The following AK8 variants were observed in gnomAD, a reference collection of about 807,000 sequenced individuals.
AK8 encodes ATP-AMP transphosphorylase 8.
AK8 carries 44 observed loss-of-function variants against 54.6 expected under a neutral mutation model. That is an observed-to-expected ratio of 0.81 (90% CI 0.63 to 1.04). The LOEUF is 1.04. Among genes scored for constraint, AK8 ranks in the 50% least tolerant of loss-of-function variants. The pLI is 0.00. For missense variants in AK8, 555 were observed against 613.6 expected, an observed-to-expected ratio of 0.90 and a Z score of 1.01; for synonymous variants, 239 against 245.6, an observed-to-expected ratio of 0.97 and a Z score of 0.25.
intron 2 of AK8, among the ~76,000 whole-genome samples, chr9:132,874,863 G>A (rs927971689): frequency 6.6e-6 from 1 of 152,170 alleles, no homozygotes; most frequent in Non-Finnish European, 1.5e-5. Context: ...CTTGGCAAGA[G>A]AATTTTTATA....
intron 9 of AK8, among the ~76,000 whole-genome samples, chr9:132,819,987 C>T (rs1424563555): frequency 6.6e-6 from 1 of 151,566 alleles, no homozygotes; most frequent in Non-Finnish European, 1.5e-5. Context: ...AGAGAGATTC[C>T]CGTCTTTACA....
At chr9:132,730,303 G>C (rs924526045) in intron 11 of AK8, among the ~76,000 whole-genome samples, 2 of 152,162 alleles carry the variant, frequency 1.3e-5, no homozygotes, top group Admixed American at 6.5e-5. Context: ...CAGCCTTTGG[G>C]GCACAGGTGT....
rs554974216 is a variant in AK8, at chr9:132,747,399, C to T, written c.1122-19865G>A. ...CAATCTCTTGACCTCATGATCTCCC[C>T]ACCTTGGCCTCCCAAAGTGCTGGGA... is the stretch of plus-strand genomic sequence containing the variant. On this transcript the variant is annotated intron_variant, in intron 11 of 12. Transcript: ENST00000298545. Among the ~76,000 whole-genome samples, 7 of 151,804 alleles carry T rather than the reference C, an allele frequency of 4.6e-5. 1 individual carries two copies. In the South Asian group the frequency reaches 1.5e-3, roughly 32 times the overall value.
At chr9:132,730,909 G>A (rs1232186629) in intron 11 of AK8, among the ~76,000 whole-genome samples, 3 of 152,160 alleles carry the variant, frequency 2.0e-5, no homozygotes, top group Admixed American at 6.5e-5. Context: ...GGCTGCCCCC[G>A]ATCCTGCATG....
chr9:132,725,756 C>T lies in AK8; in HGVS notation c.1372G>A (p.Asp458Asn), dbSNP rs372487313. Residue 458 changes from aspartate (D) to asparagine (N), a missense_variant, in exon 13 of 13, where the codon GAC becomes AAC. Transcript: ENST00000298545. ...GSAITLNGDQ[D>N]PYTVFEYIES... is the part of the protein sequence containing the mutation. Reference sequence around the variant, plus strand: ...ATGTATTCGAAGACTGTGTATGGGTCCTGGTCCCCATTGAGGGTGATGGCC... The same window carrying T: ...ATGTATTCGAAGACTGTGTATGGGTTCTGGTCCCCATTGAGGGTGATGGCC... The T allele has an allele frequency of 2.4e-5, 38 of 1,596,356 alleles. No individual in the cohort carries two copies. In the African/African-American group the frequency reaches 4.8e-4, roughly 20 times the overall value.
At chr9:132,863,352 G>A (rs1426786787) in intron 4 of AK8, among the ~76,000 whole-genome samples, 4 of 152,220 alleles carry the variant, frequency 2.6e-5, no homozygotes, top group Admixed American at 6.5e-5. Context: ...GCCTTTACTC[G>A]GCTGAGCCTA....
chr9:132,849,062 C>T (rs140527615), intron 5 of AK8, among the ~76,000 whole-genome samples: 1 of 151,846 alleles, frequency 6.6e-6, no homozygotes, highest in Non-Finnish European at 1.5e-5. Context: ...GCGCGTGCCA[C>T]CACGCCCGGC....
chr9:132,786,792 C>T (rs538745057), intron 11 of AK8, among the ~76,000 whole-genome samples: 1 of 151,996 alleles, frequency 6.6e-6, no homozygotes, highest in South Asian at 2.1e-4. Context: ...AGAATAAGAC[C>T]AAGACAAACA....
At chr9:132,848,797 G>A (rs962361552) in intron 5 of AK8, among the ~76,000 whole-genome samples, 1 of 152,140 alleles carries the variant, frequency 6.6e-6, no homozygotes, top group African/African-American at 2.4e-5. Context: ...GCACTCAACT[G>A]GAGATGCAGA....
chr9:132,744,886 C>T (rs1415781478), intron 11 of AK8, among the ~76,000 whole-genome samples: 1 of 152,200 alleles, frequency 6.6e-6, no homozygotes, highest in Non-Finnish European at 1.5e-5. Flanking sequence ...TTAATTTACA[C>T]TGGGCTCGGT....
At chr9:132,758,837 T>C (rs1274378367) in intron 11 of AK8, among the ~76,000 whole-genome samples, 1 of 151,972 alleles carries the variant, frequency 6.6e-6, no homozygotes, top group East Asian at 1.9e-4. Flanking sequence ...GTTCACGTCT[T>C]AAAAAAATAA....
intron 11 of AK8, among the ~76,000 whole-genome samples, chr9:132,783,728 T>A (rs1839575537): frequency 6.6e-6 from 1 of 151,872 alleles, no homozygotes; most frequent in Non-Finnish European, 1.5e-5. Flanking sequence ...AAAGAAAAGA[T>A]GATGAGATTT....
In AK8 at chr9:132,861,136, C is replaced by T. The variant is rs368353501; in HGVS notation, c.333+2529G>A. The stretch of plus-strand genomic sequence containing the variant: ...CTTAAAAACAAACAAAAATCCCTGG[C>T]CACTGTGAACCCCCAGCATCCTGGG... On this transcript the variant is annotated intron_variant, in intron 4 of 12. Coordinates refer to ENST00000298545, the MANE Select transcript of AK8 (RefSeq NM_152572.3). Among the ~76,000 whole-genome samples the T allele has an allele frequency of 2.6e-5, 4 of 152,204 alleles. No homozygotes were observed. The East Asian group carries it at 5.8e-4, about 22-fold the overall frequency.
intron 5 of AK8, among the ~76,000 whole-genome samples, chr9:132,843,624 C>G (rs2131351538): frequency 6.6e-6 from 1 of 152,266 alleles, no homozygotes; most frequent in African/African-American, 2.4e-5. Flanking sequence ...AGGGATGAAG[C>G]TGAACCGCAG....
chr9:132,871,498 GA>G (rs968871866), intron 2 of AK8, among the ~76,000 whole-genome samples: 6 of 152,162 alleles, frequency 3.9e-5, no homozygotes, highest in Admixed American at 3.9e-4. Context: ...AGGGCTGTGG[GA>G]AACAAATGAA....
intron 11 of AK8, among the ~76,000 whole-genome samples, chr9:132,761,429 A>C (rs1321743206): frequency 6.6e-6 from 1 of 151,944 alleles, no homozygotes; most frequent in Non-Finnish European, 1.5e-5. Context: ...TGCTCGGCTA[A>C]TTTTGGTATT....
intron 11 of AK8, among the ~76,000 whole-genome samples, chr9:132,772,687 CCCT>C (rs1306055971): frequency 1.3e-5 from 2 of 152,114 alleles, no homozygotes; most frequent in Admixed American, 6.5e-5. Flanking sequence ...AGCTAGTGGT[CCCT>C]CCTCAACCCC....
intron 11 of AK8, among the ~76,000 whole-genome samples, chr9:132,772,151 C>T (rs1839009452): frequency 6.6e-6 from 1 of 152,126 alleles, no homozygotes. Context: ...ACCATATCAC[C>T]CCAGAATGCT....
At chr9:132,853,052 T>C (rs527563360) in intron 5 of AK8, among the ~76,000 whole-genome samples, 14 of 151,838 alleles carry the variant, frequency 9.2e-5, no homozygotes, top group Non-Finnish European at 1.6e-4. Flanking sequence ...ATGTCATAAT[T>C]ATACTAGTGA....
Sources: gnomAD v4.1 joint callset for allele counts (sites outside exome capture counted in the v4.1 genomes callset) on GRCh38, gnomAD v4.1.1 for gene constraint, MANE v1.5 for transcripts, NCBI Gene and HGNC (gene_info 2026-07-23, HGNC 2026-07-21) for gene names.